Variants in EVA1A observed in about 807,000 individuals in gnomAD.
The protein encoded by EVA1A is protein eva-1 homolog A.
EVA1A carries 7 observed loss-of-function variants against 9.8 expected under a neutral mutation model. The ratio of observed to expected loss-of-function variants is 0.71; its 90% CI spans 0.41 to 1.34. The LOEUF (loss-of-function observed/expected upper bound fraction) is 1.34, where lower values mean the gene tolerates loss of function less well. Among genes scored for constraint, EVA1A ranks in the 40% most tolerant of loss-of-function variants. EVA1A has a pLI of 0.01. For missense variants in EVA1A, 206 were observed against 205.9 expected (o/e 1.00, Z 0.00); for synonymous variants, 90 against 85.6 (o/e 1.05, Z -0.28).
At chr2:75,566,245 T>C (rs1319323697) in intron 1 of EVA1A, among the ~76,000 whole-genome samples, 1 of 152,204 alleles carries the variant, frequency 6.6e-6, no homozygotes, top group Non-Finnish European at 1.5e-5. Flanking sequence ...TTTTATAAGG[T>C]CTAATGGATG....
At chr2:75,533,048 G>A (rs748907239) in intron 1 of EVA1A, among the ~76,000 whole-genome samples, 2 of 151,854 alleles carry the variant, frequency 1.3e-5, no homozygotes, top group South Asian at 2.1e-4. Flanking sequence ...GGAGGCTGAG[G>A]TGAGAGGATC....
chr2:75,541,979 A>C (rs1676141195), intron 1 of EVA1A: 1 of 152,150 alleles, frequency 6.6e-6, no homozygotes, highest in Non-Finnish European at 1.5e-5. Flanking sequence ...AGTTCCCATA[A>C]TCCCCATGTG....
At chr2:75,499,337 A>G (rs916677907) in intron 3 of EVA1A, among the ~76,000 whole-genome samples, 3 of 152,178 alleles carry the variant, frequency 2.0e-5, no homozygotes, top group Non-Finnish European at 4.4e-5. Flanking sequence ...ACCGAGTGAA[A>G]TAATGGAAGT....
At chr2:75,554,444 G>A (rs977743931) in intron 1 of EVA1A, among the ~76,000 whole-genome samples, 6 of 152,162 alleles carry the variant, frequency 3.9e-5, no homozygotes, top group Non-Finnish European at 5.9e-5. Flanking sequence ...TGGGGAGAAG[G>A]AAAGGGGGAA....
At position 75,493,351 on chromosome 2, in the gene EVA1A, G is replaced by C. The variant is rs773101984; in HGVS notation, c.344C>G (p.Ala115Gly). The C allele has an allele frequency of 1.2e-6, 2 of 1,614,204 alleles. No homozygotes were observed. Among genetic ancestry groups the C allele is most frequent in the Non-Finnish European group, 1.7e-6 (2 of 1,180,026 alleles). Residue 115 changes from alanine to glycine, a missense_variant, in exon 4 of 4, where the codon GCG (alanine) becomes GGG (glycine). Coordinates refer to ENST00000393913, the MANE Select transcript of EVA1A (RefSeq NM_001135032.2). ...RTLNKNVFTS[A>G]EELERAQRLE... ...CCGCTGGGCGCGCTCCAGCTCCTCC[G>C]CAGAGGTGAACACATTCTTGTTCAA...
chr2:75,530,046 G>C (rs1193083764), intron 1 of EVA1A, among the ~76,000 whole-genome samples: 1 of 152,058 alleles, frequency 6.6e-6, no homozygotes, highest in African/African-American at 2.4e-5. Context: ...AATAAATTCA[G>C]TTGGAAAAGA....
chr2:75,565,798 C>T (rs1481395949), upstream of EVA1A, among the ~76,000 whole-genome samples: 1 of 152,176 alleles, frequency 6.6e-6, no homozygotes, highest in African/African-American at 2.4e-5. Flanking sequence ...GACAGAGACA[C>T]CAATGTGTCA....
intron 3 of EVA1A, among the ~76,000 whole-genome samples, chr2:75,501,169 A>T (rs1674404809): frequency 6.6e-6 from 1 of 151,354 alleles, no homozygotes; most frequent in African/African-American, 2.4e-5. Context: ...CCACAAACAC[A>T]CCCTCCTCTT....
chr2:75,540,062 C>A (rs568257561), intron 1 of EVA1A, among the ~76,000 whole-genome samples: 1 of 152,326 alleles, frequency 6.6e-6, no homozygotes, highest in South Asian at 2.1e-4. Context: ...TACCTTGCAA[C>A]CTTCCACAGG....
chr2:75,495,384 G>T (rs1674174486), intron 3 of EVA1A, among the ~76,000 whole-genome samples: 1 of 152,146 alleles, frequency 6.6e-6, no homozygotes, highest in African/African-American at 2.4e-5. Context: ...CAAATGCTAG[G>T]ACGATTAGGT....
rs552729265 is a variant in EVA1A, at chr2:75,552,184, T to C, written c.-192+8496A>G. ...CGTGGTCACAAAGTGAGACTCTGTCTCTTAAAAAAAAAAAAGTTAGCTTTC... is the reference window on the plus strand; with the variant it reads ...CGTGGTCACAAAGTGAGACTCTGTCCCTTAAAAAAAAAAAAGTTAGCTTTC... On this transcript the variant is annotated intron_variant, in intron 1 of 3. Transcript: ENST00000393913. Among the ~76,000 whole-genome samples, 9 of 56,556 alleles carry C rather than the reference T, an allele frequency of 1.6e-4. No individual in the cohort carries two copies. The Admixed American group carries it at 1.8e-3, about 12-fold the overall frequency. 37.1% of individuals were successfully genotyped at this position (56,556 alleles called of 152,430 possible).
chr2:75,518,529 G>C (rs1675099719), intron 2 of EVA1A: 1 of 897,370 alleles, frequency 1.1e-6, no homozygotes, highest in African/African-American at 1.8e-5. Flanking sequence ...TTGTTCAAGC[G>C]AGCTTCCTGG....
chr2:75,565,027 T>A (rs1221953987), upstream of EVA1A, among the ~76,000 whole-genome samples: 1 of 152,196 alleles, frequency 6.6e-6, no homozygotes, highest in Non-Finnish European at 1.5e-5. Flanking sequence ...CACCACAAGA[T>A]GCTTGCAGTG....
chr2:75,554,855 G>A (rs1676646897), intron 1 of EVA1A, among the ~76,000 whole-genome samples: 1 of 152,178 alleles, frequency 6.6e-6, no homozygotes, highest in African/African-American at 2.4e-5. Context: ...ATCCCTGGCT[G>A]GATTGAGTCT....
chr2:75,527,722 A>C (rs1429922962), intron 1 of EVA1A, among the ~76,000 whole-genome samples: 1 of 152,246 alleles, frequency 6.6e-6, no homozygotes, highest in Non-Finnish European at 1.5e-5. Flanking sequence ...TCTGCAAATA[A>C]AGAGAAGATA....
chr2:75,493,561 C>A lies in EVA1A; in HGVS notation c.134G>T (p.Gly45Val). 2 of 1,613,604 alleles carry A rather than the reference C, an allele frequency of 1.2e-6. No individual in the cohort carries two copies. The highest frequency in any genetic ancestry group is 1.7e-6 in the Non-Finnish European group (2 of 1,179,764). The change falls in exon 4 of 4, where the codon GGG becomes GTG. Residue 45 changes from glycine (G) to valine (V), a missense_variant. Coordinates refer to ENST00000393913, the MANE Select transcript of EVA1A (RefSeq NM_001135032.2). ...ALYFVSGVCI[G>V]LVLTLAALVI... is the part of the protein sequence containing the mutation. Reference sequence around the variant, plus strand: ...CAGAGCAGCCAGGGTCAGCACCAGCCCGATGCACACGCCAGAAACAAAGTA... The same window carrying A: ...CAGAGCAGCCAGGGTCAGCACCAGCACGATGCACACGCCAGAAACAAAGTA...
chr2:75,540,828 AC>A (rs1483525575), intron 1 of EVA1A: 1 of 152,172 alleles, frequency 6.6e-6, no homozygotes, highest in East Asian at 1.9e-4. Context: ...AAAACAGAAG[AC>A]ACCAACACCA....
intron 3 of EVA1A, among the ~76,000 whole-genome samples, chr2:75,513,433 G>A (rs958071077): frequency 5.3e-5 from 8 of 152,036 alleles, no homozygotes; most frequent in African/African-American, 1.4e-4. Flanking sequence ...CTCCTTGCCC[G>A]ATAACTACTA....
At chr2:75,566,542 C>T (rs145738338) in intron 1 of EVA1A, among the ~76,000 whole-genome samples, 95 of 152,218 alleles carry the variant, frequency 6.2e-4, no homozygotes, top group East Asian at 3.1e-3. Context: ...GTAATGTGCC[C>T]GAAAAGGATG....
Sources: gnomAD v4.1 joint callset for allele counts (sites outside exome capture counted in the v4.1 genomes callset) on GRCh38, gnomAD v4.1.1 for gene constraint, MANE v1.5 for transcripts, NCBI Gene and HGNC (gene_info 2026-07-23, HGNC 2026-07-21) for gene names.